The following CSMD1 variants were observed in gnomAD, a reference collection of about 807,000 sequenced individuals.
CSMD1 encodes the protein CUB and Sushi multiple domains 1.
Under a neutral mutation model 417.5 loss-of-function variants are expected in CSMD1, and 213 were observed. That is an observed-to-expected ratio of 0.51 (90% CI 0.46 to 0.57). The LOEUF (loss-of-function observed/expected upper bound fraction) is 0.57. Among genes scored for constraint, CSMD1 ranks in the 20% least tolerant of loss-of-function variants. CSMD1 has a pLI of 0.00. For synonymous variants in CSMD1, 2,862 were observed against 1,736.8 expected (o/e 1.65, Z -16.11); for missense variants, 6,923 against 4,529.7 (o/e 1.53, Z -15.17).
intron 3 of CSMD1, among the ~76,000 whole-genome samples, chr8:4,253,048 G>A (rs1459291412): frequency 3.3e-5 from 5 of 152,324 alleles, no homozygotes; most frequent in South Asian, 2.1e-4. Flanking sequence ...ATGTGCCAAC[G>A]TCTTACGATG....
chr8:3,645,533 G>A (rs1008301623), intron 7 of CSMD1, among the ~76,000 whole-genome samples: 6 of 152,192 alleles, frequency 3.9e-5, no homozygotes, highest in African/African-American at 1.2e-4. Context: ...GTGGTCAGAG[G>A]TGAAGCTGCA....
chr8:4,682,343 T>C lies in CSMD1; in HGVS notation c.86-44785A>G, dbSNP rs115769337. Among the ~76,000 whole-genome samples the C allele has an allele frequency of 3.5e-3, 533 of 152,290 alleles. 2 individuals are homozygous for C. The highest frequency in any genetic ancestry group is 0.012 in the African/African-American group (510 of 41,558). On this transcript the variant is annotated intron_variant, in intron 1 of 69. Transcript: ENST00000635120. ...ACTGTGCTTAGACTGAAAAATGCTT[T>C]TTTTGATTAGTCAGAATGCTGTATT...
chr8:4,212,190 A>G (rs891916713), intron 3 of CSMD1, among the ~76,000 whole-genome samples: 2 of 150,000 alleles, frequency 1.3e-5, no homozygotes, highest in Non-Finnish European at 3.0e-5. Context: ...ATATATATAT[A>G]TATATTATTT....
At chr8:3,361,312 A>T (rs909146052) in intron 20 of CSMD1, among the ~76,000 whole-genome samples, 5 of 152,146 alleles carry the variant, frequency 3.3e-5, no homozygotes, top group African/African-American at 1.2e-4. Context: ...TTCAAGCCAT[A>T]CATTTCCTGT....
chr8:4,287,299 T>C (rs543544839), intron 3 of CSMD1, among the ~76,000 whole-genome samples: 56 of 152,320 alleles, frequency 3.7e-4, no homozygotes, highest in Non-Finnish European at 7.3e-4. Context: ...TAACTCTTTA[T>C]TTTCAGATAA....
intron 3 of CSMD1, among the ~76,000 whole-genome samples, chr8:4,299,359 T>C (rs541801478): frequency 1.3e-5 from 2 of 152,190 alleles, no homozygotes; most frequent in African/African-American, 2.4e-5. Flanking sequence ...ACTTGACATA[T>C]TGTAAGTGTC....
At chr8:3,582,494 TTTC>T (rs1480568017) in intron 9 of CSMD1, among the ~76,000 whole-genome samples, 1 of 152,174 alleles carries the variant, frequency 6.6e-6, no homozygotes, top group African/African-American at 2.4e-5. Flanking sequence ...ACTGGGCTCA[TTTC>T]TCCTCTTCAC....
rs1800273419 is a variant in CSMD1, at chr8:4,338,063, T to G, written c.415+81890A>C. 1.3e-5 allele frequency among the ~76,000 whole-genome samples: 2 copies of G among 152,152 alleles called. 1 individual carries two copies. Among genetic ancestry groups the G allele is most frequent in the African/African-American group, 4.8e-5 (2 of 41,456 alleles). ...AAGAATCTGCTTCAATAAAGCCCCA[T>G]CATACTCTTTTTAATACATGCACTT... is the stretch of plus-strand genomic sequence containing the variant. On this transcript the variant is annotated intron_variant, in intron 3 of 69. Coordinates refer to ENST00000635120, the MANE Select transcript of CSMD1 (RefSeq NM_033225.6).
chr8:4,375,949 CA>C (rs1802704927), intron 3 of CSMD1, among the ~76,000 whole-genome samples: 1 of 152,166 alleles, frequency 6.6e-6, no homozygotes, highest in Non-Finnish European at 1.5e-5. Flanking sequence ...AGTTTCCTGG[CA>C]ACCTCCAGGC....
intron 3 of CSMD1, among the ~76,000 whole-genome samples, chr8:4,367,660 G>A (rs1000026190): frequency 6.6e-6 from 1 of 152,036 alleles, no homozygotes; most frequent in African/African-American, 2.4e-5. Flanking sequence ...GTGGTATGAT[G>A]ATTTTCACAA....
chr8:4,731,787 C>G (rs1323536080), intron 1 of CSMD1, among the ~76,000 whole-genome samples: 1 of 152,138 alleles, frequency 6.6e-6, no homozygotes, highest in African/African-American at 2.4e-5. Flanking sequence ...ACCACCTACT[C>G]TATTTATTTA....
At chr8:3,060,829 C>T (rs1271432563) in intron 49 of CSMD1, among the ~76,000 whole-genome samples, 2 of 152,086 alleles carry the variant, frequency 1.3e-5, no homozygotes, top group South Asian at 4.1e-4. Flanking sequence ...TATAAAAGGG[C>T]TTTATGGAGC....
At chr8:3,845,130 G>A (rs1310110742) in intron 5 of CSMD1, among the ~76,000 whole-genome samples, 2 of 152,212 alleles carry the variant, frequency 1.3e-5, no homozygotes, top group Non-Finnish European at 2.9e-5. Flanking sequence ...AGGCAAATCT[G>A]TAGACATTGA....
chr8:3,607,398 T>A (rs1386773149), intron 8 of CSMD1, among the ~76,000 whole-genome samples: 1 of 152,140 alleles, frequency 6.6e-6, no homozygotes, highest in East Asian at 1.9e-4. Context: ...GCAGACGGAG[T>A]ATACTCTAAA....
rs200556351 is a variant in CSMD1 at position 3,668,111 on chromosome 8, G to GA, written c.1009+40302dup. On this transcript the variant is annotated intron_variant, in intron 7 of 69. Coordinates refer to ENST00000635120, the MANE Select transcript of CSMD1 (RefSeq NM_033225.6). Reference sequence around the variant, plus strand: ...TACCCCTGGGCTAGAAGGCAATGGGGAGAGAGCGTTGAACACAATTTGGAC... The same window carrying GA: ...TACCCCTGGGCTAGAAGGCAATGGGGAAGAGAGCGTTGAACACAATTTGGAC... 3.9e-3 allele frequency among the ~76,000 whole-genome samples: 595 copies of GA among 152,270 alleles called. 3 individuals are homozygous for GA. The highest frequency in any genetic ancestry group is 0.014 in the African/African-American group (572 of 41,556).
intron 1 of CSMD1, among the ~76,000 whole-genome samples, chr8:4,808,298 G>A (rs1024284095): frequency 1.3e-5 from 2 of 152,098 alleles, no homozygotes; most frequent in East Asian, 1.9e-4. Flanking sequence ...CTAATTATTT[G>A]CTTTAAAGAA....
chr8:4,295,110 G>C (rs146379427), intron 3 of CSMD1, among the ~76,000 whole-genome samples: 1,633 of 144,290 alleles, frequency 0.011, 33 homozygotes, highest in African/African-American at 0.039. Context: ...ATAATCTTAA[G>C]ATTACACACA....
chr8:3,866,758 CAT>C (rs1279667756), intron 5 of CSMD1, among the ~76,000 whole-genome samples: 5 of 152,058 alleles, frequency 3.3e-5, no homozygotes, highest in African/African-American at 9.7e-5. Context: ...ATGGTACAAA[CAT>C]ATGCAAAGTG....
chr8:2,963,531 A>C, intron 59 of CSMD1, 136 bp from the exon 60 acceptor site: 1 of 833,844 alleles, frequency 1.2e-6, no homozygotes, highest in Non-Finnish European at 1.9e-6. Flanking sequence ...TAATAAAAGA[A>C]TTGCCAAGGA....
Sources: gnomAD v4.1 joint callset for allele counts (sites outside exome capture counted in the v4.1 genomes callset) on GRCh38, gnomAD v4.1.1 for gene constraint, MANE v1.5 for transcripts, NCBI Gene and HGNC (gene_info 2026-07-23, HGNC 2026-07-21) for gene names.